The following CERT1 variants were observed in gnomAD, a reference collection of about 807,000 sequenced individuals.
The protein encoded by CERT1 is ceramide transporter 1, also known as ceramide transfer protein.
CERT1 carries 31 observed loss-of-function variants against 87.9 expected under a neutral mutation model. The ratio of observed to expected loss-of-function variants is 0.35; its 90% CI spans 0.27 to 0.48. CERT1 has a LOEUF of 0.48. Among genes scored for constraint, CERT1 ranks in the 20% least tolerant of loss-of-function variants. The pLI is 0.99. For synonymous variants in CERT1, 289 were observed against 250.9 expected (o/e 1.15, Z -1.44); for missense variants, 487 against 758.0 (o/e 0.64, Z 4.20).
At chr5:75,368,889 G>C (rs1056341857) in intron 17 of CERT1, 1 of 152,038 alleles carries the variant, frequency 6.6e-6, no homozygotes, top group African/African-American at 2.4e-5. Context: ...TAAGCCCACT[G>C]CAAGTTGAAA....
downstream of CERT1, chr5:75,374,274 A>T (rs1761199532): frequency 2.3e-6 from 1 of 431,716 alleles, no homozygotes; most frequent in Non-Finnish European, 4.0e-6. Context: ...CTACCAGAAC[A>T]GAGTTCTCCC....
intron 4 of CERT1, among the ~76,000 whole-genome samples, chr5:75,425,782 A>C (rs977790622): frequency 2.0e-5 from 3 of 152,244 alleles, no homozygotes; most frequent in African/African-American, 4.8e-5. Flanking sequence ...AATACCTGAC[A>C]GTTTGCAAAT....
chr5:75,495,185 G>A (rs996019089), intron 2 of CERT1, among the ~76,000 whole-genome samples: 1 of 152,146 alleles, frequency 6.6e-6, no homozygotes. Context: ...ATACGTAATT[G>A]TTGGATAATA....
chr5:75,439,683 G>T (rs769890584), intron 3 of CERT1, among the ~76,000 whole-genome samples: 5 of 152,010 alleles, frequency 3.3e-5, no homozygotes, highest in African/African-American at 7.2e-5. Context: ...ACTGTGTTGT[G>T]AGCATCCATA....
intron 3 of CERT1, among the ~76,000 whole-genome samples, chr5:75,435,249 G>C (rs1395702745): frequency 6.6e-6 from 1 of 152,140 alleles, no homozygotes; most frequent in Non-Finnish European, 1.5e-5. Context: ...ACTGTGTTCT[G>C]AAATTCCTGT....
chr5:75,370,434 T>C (rs1438206753), intron 17 of CERT1: 4 of 152,188 alleles, frequency 2.6e-5, no homozygotes, highest in African/African-American at 4.8e-5. Context: ...AATTACAAAA[T>C]AAGTGTGTAT....
At chr5:75,372,509 G>C (rs1761120348) in intron 17 of CERT1, 1 of 152,028 alleles carries the variant, frequency 6.6e-6, no homozygotes, top group Non-Finnish European at 1.5e-5. Flanking sequence ...TTTCCACGTA[G>C]TCAAATTATG....
Position 75,490,013 on chromosome 5 carries a change from G to T in CERT1, c.231+15969C>A, listed in dbSNP as rs183375275. Among the ~76,000 whole-genome samples, 35 of 152,300 alleles carry T rather than the reference G, an allele frequency of 2.3e-4. 1 individual carries two copies. In the South Asian group the frequency reaches 7.3e-3, roughly 32 times the overall value. On this transcript the variant is annotated intron_variant, in intron 2 of 16. Transcript: ENST00000643780. Reference sequence around the variant, plus strand: ...CATATACACCATGGAATACTATGCAGCCATAAAAAAGAATGAGTTCATGTC... The same window carrying T: ...CATATACACCATGGAATACTATGCATCCATAAAAAAGAATGAGTTCATGTC...
chr5:75,400,195 A>G lies in CERT1; in HGVS notation c.1110+10T>C. 6.4e-7 allele frequency: 1 copy of G among 1,569,630 alleles called. No individual in the cohort carries two copies. The highest frequency in any genetic ancestry group is 2.2e-5 in the East Asian group (1 of 44,642). On this transcript the variant is annotated intron_variant, in intron 10 of 16. Coordinates refer to ENST00000643780, the MANE Select transcript of CERT1 (RefSeq NM_001379029.1). ...AGGTGTACTTTTAGTAAACTCTGAC[A>G]TTAGCTTACCTTTTGGACAAATCTA...
At chr5:75,375,644 A>G (rs1250406717), downstream of CERT1, 1 of 146,924 alleles carries the variant, frequency 6.8e-6, no homozygotes, top group Non-Finnish European at 1.5e-5. Flanking sequence ...ATAAATAAAA[A>G]TATATATTAT....
intron 1 of CERT1, among the ~76,000 whole-genome samples, chr5:75,508,450 T>C (rs923142204): frequency 6.6e-5 from 10 of 152,210 alleles, no homozygotes; most frequent in Admixed American, 1.3e-4. Flanking sequence ...AACTTAATAT[T>C]AGTTCTTATA....
intron 14 of CERT1, 24 bp downstream of exon 14, chr5:75,384,618 T>C (rs1761713626): frequency 1.3e-6 from 2 of 1,516,392 alleles, no homozygotes; most frequent in Non-Finnish European, 9.1e-7. Flanking sequence ...GAAATCCTTT[T>C]AGGATGAATG....
chr5:75,460,331 T>G (rs1200285648), intron 2 of CERT1, among the ~76,000 whole-genome samples: 1 of 152,126 alleles, frequency 6.6e-6, no homozygotes, highest in Non-Finnish European at 1.5e-5. Flanking sequence ...ATGTCTTTGA[T>G]AGTAACAACC....
At chr5:75,431,637 G>T (rs191988870) in intron 3 of CERT1, among the ~76,000 whole-genome samples, 1 of 152,030 alleles carries the variant, frequency 6.6e-6, no homozygotes, top group Non-Finnish European at 1.5e-5. Context: ...TCATTATTTC[G>T]CTCTCACTTA....
chr5:75,381,894 T>C (rs1761601149), intron 15 of CERT1, 55 bp downstream of exon 15: 4 of 1,493,180 alleles, frequency 2.7e-6, no homozygotes, highest in South Asian at 1.2e-5. Flanking sequence ...TTGTCCCGCA[T>C]TGTGTATTTA....
intron 2 of CERT1, chr5:75,505,761 G>T (rs772194399): frequency 3.1e-5 from 10 of 320,622 alleles, no homozygotes; most frequent in Non-Finnish European, 4.5e-5. Context: ...AAACTGGTTT[G>T]ATATACCCAC....
downstream of CERT1, chr5:75,375,535 C>T (rs546825589): frequency 6.0e-5 from 9 of 149,936 alleles, no homozygotes; most frequent in East Asian, 1.4e-3. Context: ...GAGCTGAGAT[C>T]GCTCCAGTGT....
rs550719844 is a variant in CERT1, at chr5:75,423,292, T to G, written c.595+2069A>C. Among the ~76,000 whole-genome samples, 39 of 152,306 alleles carry G rather than the reference T, an allele frequency of 2.6e-4. 1 individual carries two copies. In the East Asian group the frequency reaches 3.9e-3, roughly 15 times the overall value. On this transcript the variant is annotated intron_variant, in intron 5 of 16. Transcript: ENST00000643780. ...ATTCTATATGTATCCTGTTTTTGTT[T>G]AAAGCTAATCTGTAACATTTAAATT...
chr5:75,419,806 A>C (rs987344853), intron 5 of CERT1, among the ~76,000 whole-genome samples: 5 of 151,976 alleles, frequency 3.3e-5, no homozygotes, highest in African/African-American at 1.2e-4. Flanking sequence ...ATTCACTCTC[A>C]TTTGTGTAAG....
Sources: gnomAD v4.1 joint callset for allele counts (sites outside exome capture counted in the v4.1 genomes callset) on GRCh38, gnomAD v4.1.1 for gene constraint, MANE v1.5 for transcripts, NCBI Gene and HGNC (gene_info 2026-07-23, HGNC 2026-07-21) for gene names.